TPD52L2: variants seen among roughly 807,000 people sequenced by gnomAD.
TPD52L2 encodes tumor protein D54.
A neutral mutation model predicts 24.7 loss-of-function variants in TPD52L2; 19 were observed. The observed-to-expected ratio is 0.77, with a 90% CI of 0.54 to 1.13. The LOEUF is 1.13. TPD52L2 is among the 50% of genes most tolerant of loss of function. The pLI is 0.00. For missense variants in TPD52L2, 236 were observed against 250.4 expected (o/e 0.94, Z 0.39); for synonymous variants, 104 against 100.2 (o/e 1.04, Z -0.23).
intron 5 of TPD52L2, among the ~76,000 whole-genome samples, chr20:63,886,403 C>G (rs2053104850): frequency 6.6e-6 from 1 of 151,844 alleles, no homozygotes; most frequent in African/African-American, 2.4e-5. Flanking sequence ...CTCTGTCGCC[C>G]AGGTTGGAGT....
chr20:63,885,956 G>A (rs766349215), intron 5 of TPD52L2: 109 of 1,587,252 alleles, frequency 6.9e-5, no homozygotes, highest in East Asian at 2.9e-4. Flanking sequence ...GGCTGTGAGT[G>A]GGTGCTGGCC....
chr20:63,877,033 G>GT lies in TPD52L2; in HGVS notation c.374+1168dup, dbSNP rs34999748. 0.059 allele frequency: 21,658 copies of GT among 365,054 alleles called. 406 individuals carry two copies. The highest frequency in any genetic ancestry group is 0.21 in the East Asian group (2,550 of 12,050). 22.6% of individuals were successfully genotyped at this position (365,054 alleles called of 1,614,324 possible). Reference sequence around the variant, plus strand: ...GCCCTGGGTTTTTTTTGTTTGTTTGGTTTTTTTTTTGAGACAACGTCTCGT... The same window carrying GT: ...GCCCTGGGTTTTTTTTGTTTGTTTGGTTTTTTTTTTTGAGACAACGTCTCGT... On this transcript the variant is annotated intron_variant, in intron 4 of 6. Transcript: ENST00000346249. The surrounding 1 kb of genome is among the most constrained non-coding windows in gnomAD (Gnocchi z 4.1).
rs773838649 is a variant in TPD52L2, at chr20:63,889,963, C to T, written c.*18C>T. 6.2e-7 allele frequency: 1 copy of T among 1,613,774 alleles called. No homozygotes were observed. The highest frequency in any genetic ancestry group is 1.1e-5 in the South Asian group (1 of 91,076). ...CTTTCTAAGCCTGTGGTTGCTTCACCCGCTGCAGAGCACACGCAACCCAGC... is the reference window on the plus strand; with the variant it reads ...CTTTCTAAGCCTGTGGTTGCTTCACTCGCTGCAGAGCACACGCAACCCAGC... On this transcript the variant is annotated 3_prime_UTR_variant, in exon 7 of 7. Coordinates refer to ENST00000346249, the MANE Select transcript of TPD52L2 (RefSeq NM_003288.4).
chr20:63,878,679 A>G (rs772002666), intron 4 of TPD52L2, among the ~76,000 whole-genome samples: 2 of 152,070 alleles, frequency 1.3e-5, no homozygotes, highest in Non-Finnish European at 2.9e-5. Flanking sequence ...CCAGAGACAG[A>G]CTCAGGAGAG....
rs536800157 is a variant in TPD52L2 at position 63,871,166 on chromosome 20, C to T, written c.165+1725C>T. ...CAAGTGATTTTCATGCCTCAGCCTC[C>T]CAAGTAGGTGGGATTACAGACGCCT... is the stretch of plus-strand genomic sequence containing the variant. On this transcript the variant is annotated intron_variant, in intron 2 of 6. Transcript: ENST00000346249. Among the ~76,000 whole-genome samples the T allele has an allele frequency of 4.0e-5, 6 of 151,370 alleles. No individual in the cohort carries two copies. In the South Asian group the frequency reaches 1.0e-3, roughly 26 times the overall value.
chr20:63,889,932 C>T lies in TPD52L2; in HGVS notation c.608C>T (p.Pro203Leu). ...AGSGDKPLSDPAPF is the reference protein window; with the variant it reads ...AGSGDKPLSDLAPF Reference sequence around the variant, plus strand: ...AGTGGTGACAAGCCCCTGTCGGATCCCGCACCTTTCTAAGCCTGTGGTTGC... The same window carrying T: ...AGTGGTGACAAGCCCCTGTCGGATCTCGCACCTTTCTAAGCCTGTGGTTGC... Residue 203 changes from proline to leucine, a missense_variant, in exon 7 of 7, where the codon CCC becomes CTC. Physicochemically the swap from Pro to Leu is moderately conservative, Grantham distance 98. Transcript: ENST00000346249. 3 of 1,614,168 alleles carry T rather than the reference C, an allele frequency of 1.9e-6. No homozygotes were observed. The highest frequency in any genetic ancestry group is 2.5e-6 in the Non-Finnish European group (3 of 1,180,040).
At chr20:63,872,657 C>T (rs1271873222) in intron 2 of TPD52L2, among the ~76,000 whole-genome samples, 2 of 151,898 alleles carry the variant, frequency 1.3e-5, no homozygotes, top group Admixed American at 6.6e-5. Context: ...GGATTACAGG[C>T]GTGAGCCACT....
At chr20:63,874,426 T>C (rs557358526) in intron 3 of TPD52L2, among the ~76,000 whole-genome samples, 25 of 150,830 alleles carry the variant, frequency 1.7e-4, no homozygotes, top group Non-Finnish European at 2.7e-4. Flanking sequence ...CAGGCTGGAG[T>C]GCAGTGGCGC....
intron 5 of TPD52L2, among the ~76,000 whole-genome samples, chr20:63,884,958 C>T (rs960529667): frequency 1.3e-5 from 2 of 152,196 alleles, no homozygotes; most frequent in African/African-American, 4.8e-5. Flanking sequence ...ACGTCTGGAG[C>T]CCCTGGTGTA....
rs1442811682 is a variant in TPD52L2, at chr20:63,890,102, G to T, written c.*157G>T. ...ACGCGGAGATGTGGCTGCCGCGTTT[G>T]CATGAATTTGAAGAACACAGGCTTG... On this transcript the variant is annotated 3_prime_UTR_variant, in exon 7 of 7. Transcript: ENST00000346249. 5 of 1,469,192 alleles carry T rather than the reference G, an allele frequency of 3.4e-6. No homozygotes were observed. The highest frequency in any genetic ancestry group is 4.5e-6 in the Non-Finnish European group (5 of 1,101,168). The allele number at this position is 1,469,192 out of a possible 1,614,324, so 91.0% of individuals were successfully genotyped here.
At chr20:63,883,045 G>T (rs1208129712) in intron 5 of TPD52L2, among the ~76,000 whole-genome samples, 2 of 152,166 alleles carry the variant, frequency 1.3e-5, no homozygotes, top group Non-Finnish European at 2.9e-5. Context: ...TTCAGGGAGG[G>T]TTGGCTGCCA....
At chr20:63,870,775 T>A (rs1483341481) in intron 2 of TPD52L2, among the ~76,000 whole-genome samples, 1 of 151,208 alleles carries the variant, frequency 6.6e-6, no homozygotes, top group African/African-American at 2.4e-5. Flanking sequence ...TGGAGTGCAA[T>A]GGTGTGATCT....
intron 3 of TPD52L2, 127 bp from the exon 4 acceptor site, chr20:63,875,689 G>A: frequency 2.2e-6 from 2 of 916,602 alleles, no homozygotes; most frequent in Non-Finnish European, 3.4e-6. Flanking sequence ...CCATTTTTGG[G>A]CCGTCTGTGG....
intron 5 of TPD52L2, chr20:63,888,153 TCTC>T (rs1353363615): frequency 6.3e-6 from 1 of 158,654 alleles, no homozygotes; most frequent in East Asian, 1.9e-4. Context: ...AGAGCCCTGT[TCTC>T]CTTGTGGGGA....
At chr20:63,887,125 C>T (rs1262343451) in intron 5 of TPD52L2, 10 of 296,754 alleles carry the variant, frequency 3.4e-5, no homozygotes, top group African/African-American at 9.1e-5. Flanking sequence ...TAGGCCAAGC[C>T]GGGGCGCCGC....
chr20:63,867,979 C>T (rs549133719), intron 1 of TPD52L2, among the ~76,000 whole-genome samples: 6 of 150,796 alleles, frequency 4.0e-5, no homozygotes, highest in Admixed American at 1.3e-4. Flanking sequence ...TTTGGCCGCG[C>T]GTGGTGGCTC....
At chr20:63,872,673 C>T (rs1203851619) in intron 2 of TPD52L2, among the ~76,000 whole-genome samples, 1 of 151,618 alleles carries the variant, frequency 6.6e-6, no homozygotes, top group African/African-American at 2.4e-5. Context: ...CCACTGTGCC[C>T]GGCCAGGGTC....
intron 1 of TPD52L2, 95 bp from the exon 2 acceptor site, chr20:63,869,201 C>T (rs2052369728): frequency 1.0e-5 from 15 of 1,455,870 alleles, no homozygotes; most frequent in Admixed American, 1.7e-5. Flanking sequence ...GTCTCACCCA[C>T]TCCCACCTGT....
chr20:63,883,105 C>T (rs2052961249), intron 5 of TPD52L2, among the ~76,000 whole-genome samples: 1 of 152,182 alleles, frequency 6.6e-6, no homozygotes, highest in Non-Finnish European at 1.5e-5. Context: ...GAGGAGTCTG[C>T]ACCTTGAAGC....
Sources: allele counts gnomAD v4.1 joint callset (sites outside exome capture counted in the v4.1 genomes callset), GRCh38; gene constraint gnomAD v4.1.1; non-coding constraint Gnocchi (gnomAD v3.1); transcripts MANE v1.5; gene names NCBI Gene and HGNC (gene_info 2026-07-23, HGNC 2026-07-21).